SLC44A5: variants seen among roughly 807,000 people sequenced by gnomAD.
The protein encoded by SLC44A5 is choline transporter-like protein 5.
A neutral mutation model predicts 101.8 loss-of-function variants in SLC44A5; 57 were observed. That is an observed-to-expected ratio of 0.56 (90% confidence interval 0.45 to 0.70). The LOEUF is 0.70. Ranked by LOEUF, SLC44A5 falls within the 30% of genes least tolerant of loss-of-function variation. The probability of loss-of-function intolerance (pLI) is 0.00; values close to 1 mark genes in which losing one functional copy is unlikely to be tolerated. For synonymous variants in SLC44A5, 281 were observed against 290.9 expected, an observed-to-expected ratio of 0.97 and a Z score of 0.35; for missense variants, 737 against 853.1, an observed-to-expected ratio of 0.86 and a Z score of 1.70.
At chr1:75,268,149 G>C (rs1203653443) in intron 6 of SLC44A5, among the ~76,000 whole-genome samples, 1 of 152,012 alleles carries the variant, frequency 6.6e-6, no homozygotes, top group Admixed American at 6.6e-5. Flanking sequence ...CTACGTTTTG[G>C]CCTCTTGGCT....
intron 1 of SLC44A5, among the ~76,000 whole-genome samples, chr1:75,558,552 T>C (rs1196612059): frequency 1.3e-5 from 2 of 152,100 alleles, no homozygotes; most frequent in Non-Finnish European, 2.9e-5. Context: ...TACCTTAATA[T>C]GGCTGTAGGT....
intron 2 of SLC44A5, among the ~76,000 whole-genome samples, chr1:75,446,615 G>A (rs1028778555): frequency 4.0e-5 from 6 of 151,450 alleles, no homozygotes; most frequent in African/African-American, 1.5e-4. Context: ...AGATTGCCTT[G>A]TCACCACTGT....
At chr1:75,684,304 C>A in the SLC44A5 span, among the ~76,000 whole-genome samples, 1 of 152,100 alleles carries the variant, frequency 6.6e-6, no homozygotes, top group Admixed American at 6.6e-5. Flanking sequence ...TTATTGCATC[C>A]TTGGCCCCTC....
intron 6 of SLC44A5, among the ~76,000 whole-genome samples, chr1:75,259,558 T>C (rs1478599287): frequency 6.6e-6 from 1 of 152,106 alleles, no homozygotes; most frequent in Non-Finnish European, 1.5e-5. Context: ...GTTTGATTGG[T>C]GTACCTGAAA....
chr1:75,577,027 C>T lies in SLC44A5; in HGVS notation c.-70+34013G>A, dbSNP rs573413244. On this transcript the variant is annotated intron_variant, in intron 1 of 23. Coordinates refer to ENST00000370859, the MANE Select transcript of SLC44A5 (RefSeq NM_001130058.2). Reference sequence around the variant, plus strand: ...TGTTTCTTCCACTGTCTTCCCAATGCTTTTCCCATGATTCAGAGCAAAGCC... The same window carrying T: ...TGTTTCTTCCACTGTCTTCCCAATGTTTTTCCCATGATTCAGAGCAAAGCC... Among the ~76,000 whole-genome samples the T allele has an allele frequency of 4.5e-4, 68 of 152,300 alleles. 1 individual carries two copies. Among genetic ancestry groups the T allele is most frequent in the African/African-American group, 1.4e-3 (59 of 41,574 alleles).
intron 3 of SLC44A5, among the ~76,000 whole-genome samples, chr1:75,383,269 A>G (rs1661030153): frequency 7.8e-6 from 1 of 128,076 alleles, no homozygotes; most frequent in African/African-American, 3.0e-5. Context: ...TTCGAGAAAC[A>G]CCCACAAATG....
At chr1:75,596,818 A>G (rs1674661936) in intron 1 of SLC44A5, among the ~76,000 whole-genome samples, 1 of 152,166 alleles carries the variant, frequency 6.6e-6, no homozygotes, top group African/African-American at 2.4e-5. Flanking sequence ...TAAGAGCCAT[A>G]TACAACAAAC....
intron 2 of SLC44A5, among the ~76,000 whole-genome samples, chr1:75,443,274 G>GA (rs1229613958): frequency 6.6e-5 from 10 of 151,430 alleles, no homozygotes; most frequent in Middle Eastern, 6.8e-3. Flanking sequence ...AAAGAAAATA[G>GA]AAAAAAGTAA....
At chr1:75,711,431 TAAATC>T in the SLC44A5 span, among the ~76,000 whole-genome samples, 4 of 152,126 alleles carry the variant, frequency 2.6e-5, no homozygotes, top group African/African-American at 9.7e-5. Context: ...AAGAAAAAAA[TAAATC>T]AAACTTTTAA....
At chr1:75,369,702 A>G (rs958692716) in intron 3 of SLC44A5, among the ~76,000 whole-genome samples, 8 of 152,156 alleles carry the variant, frequency 5.3e-5, no homozygotes, top group African/African-American at 1.4e-4. Context: ...TATTAAATCT[A>G]TTTTTACATT....
At position 75,213,536 on chromosome 1, in the gene SLC44A5, C is replaced by G. The variant is rs539445338; in HGVS notation, c.1962+169G>C. ...CATGTGAGGATACAGGAGGGTGTCT[C>G]TCTGCTCACCAGGAAGAGGACCCTC... On this transcript the variant is annotated intron_variant, in intron 22 of 23. Transcript: ENST00000370859. 4.6e-5 allele frequency among the ~76,000 whole-genome samples: 7 copies of G among 152,250 alleles called. No individual in the cohort carries two copies. In the South Asian group the frequency reaches 1.5e-3, roughly 32 times the overall value.
Position 75,608,056 on chromosome 1 carries a change from T to A in SLC44A5, c.-70+2984A>T, listed in dbSNP as rs539124736. ...CATTCTACTCACTGCTTCTATGAGTTCAATAATTTTGGATTCCACATATAA... is the reference window on the plus strand; with the variant it reads ...CATTCTACTCACTGCTTCTATGAGTACAATAATTTTGGATTCCACATATAA... On this transcript the variant is annotated intron_variant, in intron 1 of 23. Transcript: ENST00000370859. 1.8e-4 allele frequency among the ~76,000 whole-genome samples: 28 copies of A among 152,126 alleles called. No individual in the cohort carries two copies. In the South Asian group the frequency reaches 5.2e-3, roughly 28 times the overall value.
intron 2 of SLC44A5, among the ~76,000 whole-genome samples, chr1:75,532,359 A>G (rs972580392): frequency 6.6e-6 from 1 of 152,236 alleles, no homozygotes; most frequent in Non-Finnish European, 1.5e-5. Flanking sequence ...TATCATCTAT[A>G]AAATGAGGGC....
At chr1:75,343,445 C>T (rs1433990649) in intron 3 of SLC44A5, among the ~76,000 whole-genome samples, 1 of 152,090 alleles carries the variant, frequency 6.6e-6, no homozygotes, top group Non-Finnish European at 1.5e-5. Flanking sequence ...ATAAAGCAGC[C>T]AGTGATGCTT....
intron 5 of SLC44A5, among the ~76,000 whole-genome samples, chr1:75,294,066 T>C (rs933002523): frequency 6.6e-6 from 1 of 152,200 alleles, no homozygotes; most frequent in Non-Finnish European, 1.5e-5. Context: ...TAAAAAACAA[T>C]AGAACTGGAA....
At position 75,219,827 on chromosome 1, in the gene SLC44A5, C is replaced by T. The variant is rs763613284; in HGVS notation, c.1151G>A (p.Cys384Tyr). ...PALTFILLSICICYWVVTAVF... is the reference protein window; with the variant it reads ...PALTFILLSIYICYWVVTAVF... ...TGCTGTCACGACCCAGTAGCAAATG[C>T]AGATTGAGAGCAAAATGAAAGTTAA... Residue 384 changes from cysteine (C) to tyrosine (Y), a missense_variant, in exon 15 of 24, where the codon TGC becomes TAC. Around this residue, in one of 3 missense-constraint regions of SLC44A5, gnomAD observed 665 missense variants for 764.4 expected, o/e 0.87. Transcript: ENST00000370859. The T allele has an allele frequency of 6.2e-7, 1 of 1,612,476 alleles. No individual in the cohort carries two copies. The highest frequency in any genetic ancestry group is 8.5e-7 in the Non-Finnish European group (1 of 1,179,068).
intron 2 of SLC44A5, among the ~76,000 whole-genome samples, chr1:75,405,892 A>AC (rs1277760377): frequency 1.5e-5 from 2 of 134,844 alleles, no homozygotes; most frequent in African/African-American, 5.7e-5. Context: ...TAAAAAAAAA[A>AC]AAAACCCTTT....
Position 75,227,174 on chromosome 1 carries a change from A to G in SLC44A5, c.985+552T>C, listed in dbSNP as rs909179798. On this transcript the variant is annotated intron_variant, in intron 13 of 23. Transcript: ENST00000370859. ...GAGCCCAGAAATTCAAGACCAGGCT[A>G]GGCAACATAGGGAGACCCCATCTCT... Among the ~76,000 whole-genome samples the G allele has an allele frequency of 3.3e-5, 5 of 152,148 alleles. No homozygotes were observed. The South Asian group carries it at 8.3e-4, about 25-fold the overall frequency.
At chr1:75,483,073 C>T (rs1004004691) in intron 2 of SLC44A5, among the ~76,000 whole-genome samples, 11 of 152,044 alleles carry the variant, frequency 7.2e-5, no homozygotes, top group Admixed American at 1.3e-4. Context: ...ATTTGCTGAG[C>T]GTAACAATAA....
Sources: gnomAD v4.1 joint callset for allele counts (sites outside exome capture counted in the v4.1 genomes callset) on GRCh38, gnomAD v4.1.1 for gene constraint, gnomAD v4.1.1 regional missense constraint, MANE v1.5 for transcripts, NCBI Gene and HGNC (gene_info 2026-07-23, HGNC 2026-07-21) for gene names.